DNAH1: variants seen among roughly 807,000 people sequenced by gnomAD.
The protein encoded by DNAH1 is axonemal beta dynein heavy chain 1.
Under a neutral mutation model 484.3 loss-of-function variants are expected in DNAH1, and 327 were observed. That is an observed-to-expected ratio of 0.68 (90% CI 0.62 to 0.74). The LOEUF is 0.74. Among genes scored for constraint, DNAH1 ranks in the 30% least tolerant of loss-of-function variants. The pLI is 0.00. For synonymous variants in DNAH1, 2,192 were observed against 2,191.9 expected (o/e 1.00, Z 0.00); for missense variants, 5,052 against 5,546.8 (o/e 0.91, Z 2.83).
intron 73 of DNAH1, 38 bp downstream of exon 73, chr3:52,397,082 C>G (rs753470153): frequency 6.5e-7 from 1 of 1,539,280 alleles, no homozygotes; most frequent in East Asian, 2.4e-5. Flanking sequence ...GAGGGGCCTG[C>G]CAGCCTGGGG....
chr3:52,377,937 G>A (rs1228393186), intron 46 of DNAH1, among the ~76,000 whole-genome samples: 1 of 152,096 alleles, frequency 6.6e-6, no homozygotes, highest in Non-Finnish European at 1.5e-5. Flanking sequence ...TCAGCTTGAG[G>A]GCAAGGAGTG....
rs2153225092 is a variant in DNAH1, at chr3:52,380,026, G to A, written c.7499G>A (p.Trp2500Ter). Residue 2500 changes from tryptophan to a stop codon, truncating the protein, a stop_gained, in exon 48 of 78, where the codon TGG becomes TAG. Transcript: ENST00000420323. LOFTEE classifies it high-confidence loss of function. ...CTCCTCAAGCGCTGCATGGAGCAGT[G>A]GGAGGTGACCTTCAACAAGGTCTGC... ...DQLLKRCMEQWEVTFNKVCPF... is the reference protein window; with the variant it reads ...DQLLKRCMEQ 1 of 1,598,002 alleles carries A rather than the reference G, an allele frequency of 6.3e-7. No individual in the cohort carries two copies. The highest frequency in any genetic ancestry group is 2.3e-5 in the East Asian group (1 of 44,066).
chr3:52,345,446 G>A (rs1308171434), intron 9 of DNAH1, 49 bp from the exon 10 acceptor site: 2 of 1,504,468 alleles, frequency 1.3e-6, no homozygotes, highest in Non-Finnish European at 1.8e-6. Flanking sequence ...CTGTCCCCTG[G>A]TTTGGCCAGG....
At chr3:52,336,076 T>C (rs1336948957) in intron 8 of DNAH1, among the ~76,000 whole-genome samples, 1 of 152,240 alleles carries the variant, frequency 6.6e-6, no homozygotes, top group African/African-American at 2.4e-5. Context: ...GTCTGTTTAC[T>C]CTGTTGATAC....
At chr3:52,398,535 G>A (rs1457238445) in intron 75 of DNAH1, among the ~76,000 whole-genome samples, 1 of 152,186 alleles carries the variant, frequency 6.6e-6, no homozygotes, top group Non-Finnish European at 1.5e-5. Context: ...TGATCCGCCT[G>A]CCTCGGCCTC....
chr3:52,393,050 A>G (rs1704466872), intron 65 of DNAH1, 25 bp downstream of exon 65: 2 of 1,608,838 alleles, frequency 1.2e-6, no homozygotes, highest in Non-Finnish European at 1.7e-6. Flanking sequence ...CCAGGCTCCT[A>G]CCCTGCACAG....
In DNAH1 at chr3:52,326,846, C is replaced by A; in HGVS notation, c.693C>A (p.Ile231=). The change falls in exon 5 of 78, where the codon ATC becomes ATA. Residue 231 remains isoleucine (I), a synonymous_variant. Transcript: ENST00000420323. ...TGGACCACCAGCACCCCCAAACCAT[C>A]GAACAGGGCCATGACCCAATCTTCC... ...RHLDHQHPQT[I]EQGHDPIFPI... 1 of 1,613,528 alleles carries A rather than the reference C, an allele frequency of 6.2e-7. No individual in the cohort carries two copies. Among genetic ancestry groups the A allele is most frequent in the Non-Finnish European group, 8.5e-7 (1 of 1,179,696 alleles).
In DNAH1 at chr3:52,349,845, AC is replaced by A. The variant is rs1702298258; in HGVS notation, c.2527-140del. 2.5e-5 allele frequency: 30 copies of A among 1,215,842 alleles called. 1 individual carries two copies. The South Asian group carries it at 4.4e-4, about 18-fold the overall frequency. 75.3% of individuals were successfully genotyped at this position (1,215,842 alleles called of 1,614,324 possible). A position where few individuals can be genotyped will look rare whatever the true frequency, so the allele number is the denominator to read the frequency against. Reference sequence around the variant, plus strand: ...GCAACCCAGGGAGCCCACCAGGAGCACCCCTCTTGGAAAGCGCCGCAGGATG... The same window carrying A: ...GCAACCCAGGGAGCCCACCAGGAGCACCCTCTTGGAAAGCGCCGCAGGATG... On this transcript the variant is annotated intron_variant, in intron 14 of 77. Transcript: ENST00000420323.
chr3:52,371,196 G>C (rs1703323258), intron 41 of DNAH1, among the ~76,000 whole-genome samples: 1 of 152,248 alleles, frequency 6.6e-6, no homozygotes, highest in African/African-American at 2.4e-5. Flanking sequence ...TGGGGGGCAA[G>C]CTCTTGAAGC....
rs1488953944 is a variant in DNAH1, at chr3:52,368,074, A to C, written c.5766-667A>C. 6.6e-6 allele frequency among the ~76,000 whole-genome samples: 1 copy of C among 152,108 alleles called. No individual in the cohort carries two copies. Among genetic ancestry groups the C allele is most frequent in the African/African-American group, 2.4e-5 (1 of 41,420 alleles). ...AGAGGAAACATCAGTGGTGAGGGGG[A>C]TTCTGGTTGAACCAATCTAACAGGA... On this transcript the variant is annotated intron_variant, in intron 36 of 77. Transcript: ENST00000420323. This position sits in a 1 kb window ranked among gnomAD's most constrained non-coding sequence, Gnocchi z 4.4.
intron 6 of DNAH1, 93 bp downstream of exon 6, chr3:52,328,107 C>A: frequency 6.6e-7 from 1 of 1,523,662 alleles, no homozygotes; most frequent in South Asian, 1.2e-5. Context: ...TGGCAGCCAC[C>A]GGAGGCGAGG....
intron 44 of DNAH1, chr3:52,374,173 T>C (rs1333987767): frequency 3.9e-6 from 5 of 1,276,212 alleles, no homozygotes; most frequent in Non-Finnish European, 5.7e-6. Flanking sequence ...AACAGATAAA[T>C]AATATATTTT....
At chr3:52,372,498 C>A in intron 43 of DNAH1, 111 bp downstream of exon 43, 1 of 1,440,752 alleles carries the variant, frequency 6.9e-7, no homozygotes, top group African/African-American at 1.4e-5. Context: ...AGGAACCTCC[C>A]AGGGGGAGCT....
At position 52,346,522 on chromosome 3, in the gene DNAH1, G is replaced by C; in HGVS notation, c.1707G>C (p.Met569Ile). The C allele has an allele frequency of 6.2e-7, 1 of 1,613,698 alleles. No homozygotes were observed. Among genetic ancestry groups the C allele is most frequent in the East Asian group, 2.2e-5 (1 of 44,882 alleles). Residue 569 changes from methionine (M) to isoleucine (I), a missense_variant, in exon 11 of 78, where the codon ATG (methionine) becomes ATC (isoleucine). Physicochemically the swap from Met to Ile is conservative, Grantham distance 10. Coordinates refer to ENST00000420323, the MANE Select transcript of DNAH1 (RefSeq NM_015512.5). ...GGATCAGCTCGCTAAAGGTGGCCAT[G>C]CGCAGCAGCCTGCGCGACATGAGCA... ...DSWISSLKVA[M>I]RSSLRDMSKG...
At chr3:52,366,596 A>AG (rs1168272628) in intron 35 of DNAH1, 48 bp downstream of exon 35, 5 of 1,560,846 alleles carry the variant, frequency 3.2e-6, no homozygotes, top group Admixed American at 1.9e-5. Flanking sequence ...GTGGGCCTGT[A>AG]GGGGGGTGCA....
rs541149003 is a variant in DNAH1 at position 52,388,615 on chromosome 3, C to T, written c.9363+6C>T. 5.0e-6 allele frequency: 8 copies of T among 1,612,112 alleles called. No homozygotes were observed. The African/African-American group carries it at 1.1e-4, about 21-fold the overall frequency. On this transcript the variant is annotated splice_donor_region_variant and intron_variant, in intron 58 of 77. Coordinates refer to ENST00000420323, the MANE Select transcript of DNAH1 (RefSeq NM_015512.5). ...GGCTGGGCCGAGCTGGCAAGGTGCG[C>T]ACCCTCCTCCTGCAAGGCCTGCAAG...
rs1243174934 is a variant in DNAH1, at chr3:52,384,777, C to A, written c.8323-9C>A. 1 of 1,592,218 alleles carries A rather than the reference C, an allele frequency of 6.3e-7. No individual in the cohort carries two copies. Among genetic ancestry groups the A allele is most frequent in the Admixed American group, 1.7e-5 (1 of 57,502 alleles). Reference sequence around the variant, plus strand: ...TACCAGGCCGGCATCCATGGTCTTCCTCCCCCAGATCCAGGTCTGTGTGTA... The same window carrying A: ...TACCAGGCCGGCATCCATGGTCTTCATCCCCCAGATCCAGGTCTGTGTGTA... On this transcript the variant is annotated splice_polypyrimidine_tract_variant and intron_variant, in intron 52 of 77. Coordinates refer to ENST00000420323, the MANE Select transcript of DNAH1 (RefSeq NM_015512.5).
Position 52,317,197 on chromosome 3 carries a change from C to T in DNAH1, c.-35+652C>T, listed in dbSNP as rs974758249. On this transcript the variant is annotated intron_variant, in intron 1 of 77. Transcript: ENST00000420323. Reference sequence around the variant, plus strand: ...GTCAACTAAGGACAGTCTGATACAACCACAGTAGCATTATCACATCTAAGA... The same window carrying T: ...GTCAACTAAGGACAGTCTGATACAATCACAGTAGCATTATCACATCTAAGA... 6.7e-4 allele frequency among the ~76,000 whole-genome samples: 102 copies of T among 152,266 alleles called. 1 individual carries two copies. Among genetic ancestry groups the T allele is most frequent in the African/African-American group, 2.3e-3 (97 of 41,530 alleles).
chr3:52,385,548 T>C, intron 54 of DNAH1, 101 bp downstream of exon 54: 1 of 923,820 alleles, frequency 1.1e-6, no homozygotes, highest in Non-Finnish European at 1.7e-6. Flanking sequence ...CTGCAAGTCA[T>C]CTGGCCTCCG....
Sources: gnomAD v4.1 joint callset for allele counts (sites outside exome capture counted in the v4.1 genomes callset) on GRCh38, gnomAD v4.1.1 for gene constraint, Gnocchi (gnomAD v3.1) non-coding constraint, MANE v1.5 for transcripts, NCBI Gene and HGNC (gene_info 2026-07-23, HGNC 2026-07-21) for gene names.